Variants in FAM184B observed in about 807,000 individuals in gnomAD.
FAM184B encodes the protein protein FAM184B.
In FAM184B, 111 loss-of-function variants were observed where a neutral mutation model predicts 135.9. That is an observed-to-expected ratio of 0.82 (90% CI 0.70 to 0.96). The LOEUF (loss-of-function observed/expected upper bound fraction) is 0.96, where lower values mean the gene tolerates loss of function less well. Ranked by LOEUF, FAM184B falls within the 40% of genes least tolerant of loss-of-function variation. The pLI is 0.00. For synonymous variants in FAM184B, 552 were observed against 524.8 expected, an observed-to-expected ratio of 1.05 and a Z score of -0.71; for missense variants, 1,375 against 1,323.9, an observed-to-expected ratio of 1.04 and a Z score of -0.60.
intron 10 of FAM184B, among the ~76,000 whole-genome samples, chr4:17,655,286 A>G (rs1175107021): frequency 6.6e-6 from 1 of 152,180 alleles, no homozygotes; most frequent in African/African-American, 2.4e-5. Context: ...GGAGAGGTTG[A>G]AGCCTGGCTT....
chr4:17,731,601 A>T (rs1717776659), intron 1 of FAM184B, among the ~76,000 whole-genome samples: 2 of 152,244 alleles, frequency 1.3e-5, no homozygotes, highest in Non-Finnish European at 2.9e-5. Flanking sequence ...ATAATGGTAA[A>T]GGGATCAATT....
At chr4:17,687,711 G>A (rs1177373925) in intron 7 of FAM184B, among the ~76,000 whole-genome samples, 3 of 152,150 alleles carry the variant, frequency 2.0e-5, no homozygotes, top group Admixed American at 6.5e-5. Flanking sequence ...TCGGAGTGAC[G>A]TGTTTGCAAG....
intron 1 of FAM184B, among the ~76,000 whole-genome samples, chr4:17,746,132 T>C (rs1718154962): frequency 6.6e-6 from 1 of 151,962 alleles, no homozygotes; most frequent in South Asian, 2.1e-4. Context: ...CTAATTTTTG[T>C]ATTTTTAGTA....
At position 17,709,133 on chromosome 4, in the gene FAM184B, G is replaced by T; in HGVS notation, c.653C>A (p.Ala218Asp). ...QQLSKDYARK[A>D]EELQATYERE... ...CTCGTAGGTGGCCTGCAGCTCCTCG[G>T]CCTTGCGGGCGTAGTCCTTGCTCAG... The change falls in exon 2 of 18, where the codon GCC becomes GAC. Residue 218 changes from alanine (A) to aspartate (D), a missense_variant. Coordinates refer to ENST00000265018, the MANE Select transcript of FAM184B (RefSeq NM_015688.2). The T allele has an allele frequency of 6.5e-7, 1 of 1,548,490 alleles. No homozygotes were observed.
intron 1 of FAM184B, among the ~76,000 whole-genome samples, chr4:17,754,829 G>T (rs1718384232): frequency 6.6e-6 from 1 of 151,780 alleles, no homozygotes; most frequent in African/African-American, 2.4e-5. Flanking sequence ...GTTTAAAGTG[G>T]GAAAAAGGAG....
At chr4:17,647,604 G>C (rs1170066575) in intron 12 of FAM184B, 33 bp downstream of exon 12, 2 of 1,536,608 alleles carry the variant, frequency 1.3e-6, no homozygotes, top group Non-Finnish European at 1.8e-6. Context: ...GCTCTGGGAG[G>C]GGTATTGCTG....
intron 1 of FAM184B, among the ~76,000 whole-genome samples, chr4:17,745,317 T>A (rs1718135180): frequency 6.6e-6 from 1 of 151,894 alleles, no homozygotes; most frequent in Non-Finnish European, 1.5e-5. Context: ...ATGTGGGGAG[T>A]ATAGTTGGGT....
chr4:17,726,812 G>GA (rs1717653243), intron 1 of FAM184B, among the ~76,000 whole-genome samples: 1 of 152,178 alleles, frequency 6.6e-6, no homozygotes, highest in Non-Finnish European at 1.5e-5. Flanking sequence ...CCTGCCCCAG[G>GA]AAAGAGAACT....
chr4:17,703,768 T>C (rs937774769), intron 5 of FAM184B, among the ~76,000 whole-genome samples: 4 of 151,770 alleles, frequency 2.6e-5, no homozygotes, highest in African/African-American at 7.3e-5. Flanking sequence ...CTGTCTCTAC[T>C]AAAAATACAA....
intron 10 of FAM184B, among the ~76,000 whole-genome samples, chr4:17,653,624 C>T (rs1034823899): frequency 1.3e-5 from 2 of 151,970 alleles, no homozygotes; most frequent in African/African-American, 4.8e-5. Context: ...GTCAAACACC[C>T]AAAGCAAGTT....
In FAM184B at chr4:17,715,572, A is replaced by G. The variant is rs79604117; in HGVS notation, c.142-5928T>C. On this transcript the variant is annotated intron_variant, in intron 1 of 17. Coordinates refer to ENST00000265018, the MANE Select transcript of FAM184B (RefSeq NM_015688.2). The stretch of plus-strand genomic sequence containing the variant: ...GGAATAAATTCAAGAGATCTTTCAT[A>G]TAGCACAGTGACTGTAGTTAATAAC... 5.9e-3 allele frequency among the ~76,000 whole-genome samples: 896 copies of G among 152,300 alleles called. 8 individuals carry two copies. The highest frequency in any genetic ancestry group is 0.021 in the African/African-American group (865 of 41,558).
chr4:17,705,875 C>A lies in FAM184B; in HGVS notation c.1047G>T (p.Glu349Asp), dbSNP rs1189072122. The part of the protein sequence containing the change: ...GTQQTDAMKT[E>D]LVSENKVLRE... ...GCAGGACTTTGTTCTCTGAAACTAA[C>A]TCAGTCTTCATGGCATCTGCAAGCA... Residue 349 changes from glutamate (E) to aspartate (D), a missense_variant, in exon 4 of 18, where the codon GAG (glutamate) becomes GAT (aspartate). Coordinates refer to ENST00000265018, the MANE Select transcript of FAM184B (RefSeq NM_015688.2). The A allele has an allele frequency of 6.4e-7, 1 of 1,552,298 alleles. No individual in the cohort carries two copies. The highest frequency in any genetic ancestry group is 2.0e-5 in the Admixed American group (1 of 51,020).
At chr4:17,642,780 T>TA (rs1357106236) in intron 12 of FAM184B, among the ~76,000 whole-genome samples, 1 of 152,250 alleles carries the variant, frequency 6.6e-6, no homozygotes, top group African/African-American at 2.4e-5. Context: ...GTGTATTCTA[T>TA]AGGTGCCACG....
At chr4:17,671,926 C>T (rs1716177208) in intron 7 of FAM184B, among the ~76,000 whole-genome samples, 1 of 143,350 alleles carries the variant, frequency 7.0e-6, no homozygotes, top group East Asian at 2.3e-4. Context: ...AGACAGGTCA[C>T]TGGAAATAAT....
At chr4:17,646,227 G>A (rs1313410430) in intron 12 of FAM184B, among the ~76,000 whole-genome samples, 1 of 151,936 alleles carries the variant, frequency 6.6e-6, no homozygotes, top group Non-Finnish European at 1.5e-5. Flanking sequence ...TCCCATTACT[G>A]GGTATATACC....
At position 17,653,796 on chromosome 4, in the gene FAM184B, T is replaced by C. The variant is rs541659708; in HGVS notation, c.2038-813A>G. ...GTCAAAGGGACTTTGCAGATGTGAT[T>C]AAGGATCTTAGATGGGAGATTATCC... On this transcript the variant is annotated intron_variant, in intron 10 of 17. Transcript: ENST00000265018. 8.9e-4 allele frequency among the ~76,000 whole-genome samples: 135 copies of C among 151,856 alleles called. 1 individual carries two copies. The highest frequency in any genetic ancestry group is 3.2e-3 in the African/African-American group (131 of 41,426).
rs1351368596 is a variant in FAM184B, at chr4:17,630,607, A to AAGAC, written c.*1921_*1924dup. ...TTTGTTAGAGCAGCCTGAACGAACT[A>AAGAC]AGACACTCTAAGCGGGAAACTCACA... On this transcript the variant is annotated 3_prime_UTR_variant, in exon 18 of 18. Coordinates refer to ENST00000265018, the MANE Select transcript of FAM184B (RefSeq NM_015688.2). The AAGAC allele has an allele frequency of 6.6e-6, 1 of 152,238 alleles. No homozygotes were observed. Among genetic ancestry groups the AAGAC allele is most frequent in the Non-Finnish European group, 1.5e-5 (1 of 68,046 alleles). The allele number at this position is 152,238 out of a possible 1,614,324, so 9.4% of individuals were successfully genotyped here.
intron 1 of FAM184B, among the ~76,000 whole-genome samples, chr4:17,718,677 C>G (rs1200692200): frequency 6.6e-6 from 1 of 152,212 alleles, no homozygotes; most frequent in African/African-American, 2.4e-5. Flanking sequence ...GGCTTGCCCT[C>G]TTGTGCTTCT....
chr4:17,700,567 C>G (rs1716962057), intron 5 of FAM184B, among the ~76,000 whole-genome samples: 1 of 152,194 alleles, frequency 6.6e-6, no homozygotes, highest in Admixed American at 6.5e-5. Flanking sequence ...ATCTTCCTCT[C>G]TCAGTGATCA....
Sources: allele counts gnomAD v4.1 joint callset (sites outside exome capture counted in the v4.1 genomes callset), GRCh38; gene constraint gnomAD v4.1.1; transcripts MANE v1.5; gene names NCBI Gene and HGNC (gene_info 2026-07-23, HGNC 2026-07-21).